ADAM12: variants seen among roughly 807,000 people sequenced by gnomAD.
The protein encoded by ADAM12 is disintegrin and metalloproteinase domain-containing protein 12.
ADAM12 carries 70 observed loss-of-function variants against 106.4 expected under a neutral mutation model. That is an observed-to-expected ratio of 0.66 (90% CI 0.54 to 0.80). The LOEUF (loss-of-function observed/expected upper bound fraction) is 0.80. Ranked by LOEUF, ADAM12 falls within the 30% of genes least tolerant of loss-of-function variation. ADAM12 has a pLI of 0.00. For synonymous variants in ADAM12, 420 were observed against 433.5 expected (o/e 0.97, Z 0.39); for missense variants, 1,010 against 1,171.9 (o/e 0.86, Z 2.02).
At chr10:126,036,084 A>AT in intron 21 of ADAM12, 62 bp downstream of exon 21, 1 of 1,317,628 alleles carries the variant, frequency 7.6e-7, no homozygotes, top group Non-Finnish European at 9.8e-7. Flanking sequence ...AAGCTCACAC[A>AT]TTAACAAGTA....
rs71029289 is a variant in ADAM12, at chr10:126,131,104, CTTTTTTTT to C, written c.416+4472_416+4479del. 8.9e-5 allele frequency among the ~76,000 whole-genome samples: 9 copies of C among 100,918 alleles called. No individual in the cohort carries two copies. In the East Asian group the frequency reaches 1.2e-3, roughly 13 times the overall value. 66.2% of individuals were successfully genotyped at this position (100,918 alleles called of 152,430 possible). Reference sequence around the variant, plus strand: ...AGTGTCCCTGGCTCTCAGCTGTCTTCTTTTTTTTTTTTTTTTTTTTTTTTTTTTTGGCA... The same window carrying C: ...AGTGTCCCTGGCTCTCAGCTGTCTTCTTTTTTTTTTTTTTTTTTTTTGGCA... On this transcript the variant is annotated intron_variant, in intron 5 of 22. Transcript: ENST00000448723.
At chr10:126,363,596 G>A (rs905545884) in intron 1 of ADAM12, among the ~76,000 whole-genome samples, 2 of 152,146 alleles carry the variant, frequency 1.3e-5, no homozygotes, top group Non-Finnish European at 2.9e-5. Context: ...GTCCCAAGCA[G>A]ATGCTTGAAA....
chr10:126,282,148 G>C (rs1362790987), intron 2 of ADAM12, among the ~76,000 whole-genome samples: 1 of 152,172 alleles, frequency 6.6e-6, no homozygotes, highest in African/African-American at 2.4e-5. Flanking sequence ...CCTTGGCTTT[G>C]AGACAGTTGC....
In ADAM12 at chr10:126,071,801, A is replaced by C. The variant is rs1954999086; in HGVS notation, c.1146-147T>G. The C allele has an allele frequency of 5.0e-6, 4 of 806,140 alleles. No homozygotes were observed. The Admixed American group carries it at 8.2e-5, about 16-fold the overall frequency. 49.9% of individuals were successfully genotyped at this position (806,140 alleles called of 1,614,324 possible). Reference sequence around the variant, plus strand: ...ATGAACAATGCATATCAAAAAACTCAGATATGCAGTGTCAAGTGAGGCACA... The same window carrying C: ...ATGAACAATGCATATCAAAAAACTCCGATATGCAGTGTCAAGTGAGGCACA... On this transcript the variant is annotated intron_variant, in intron 11 of 22. Transcript: ENST00000448723.
chr10:126,031,729 G>A (rs1953974422), intron 21 of ADAM12, among the ~76,000 whole-genome samples: 1 of 151,950 alleles, frequency 6.6e-6, no homozygotes, highest in Non-Finnish European at 1.5e-5. Context: ...ATTATATGTT[G>A]CATATAATAC....
At chr10:126,077,336 A>G (rs1487417314) in intron 11 of ADAM12, among the ~76,000 whole-genome samples, 1 of 152,214 alleles carries the variant, frequency 6.6e-6, no homozygotes, top group Non-Finnish European at 1.5e-5. Flanking sequence ...ACCCAAAGCA[A>G]TGTACAGATT....
At chr10:126,322,267 C>T (rs73386749) in intron 2 of ADAM12, among the ~76,000 whole-genome samples, 1 of 152,166 alleles carries the variant, frequency 6.6e-6, no homozygotes. Context: ...ACCTGTGCTG[C>T]TGAACATATT....
In ADAM12 at chr10:126,118,093, G is replaced by T; in HGVS notation, c.548C>A (p.Pro183Gln). The change falls in exon 6 of 23, where the codon CCA (proline) becomes CAA (glutamine). Residue 183 changes from proline (P) to glutamine (Q), a missense_variant. By Grantham distance (76) the Pro-to-Gln change is moderately conservative. This residue lies in a region of ADAM12 where 391 missense variants were observed against 442.9 expected (regional missense o/e 0.88). Coordinates refer to ENST00000448723, the MANE Select transcript of ADAM12 (RefSeq NM_001288973.2). The stretch of plus-strand genomic sequence containing the variant: ...AAACACATTCTTTGCAGCGAGGTTT[G>T]GTGTGTTGTGATGTGATCCACATGA... ...RGSCGSHHNT[P>Q]NLAAKNVFPP... 3 of 1,614,170 alleles carry T rather than the reference G, an allele frequency of 1.9e-6. No homozygotes were observed. The highest frequency in any genetic ancestry group is 2.5e-6 in the Non-Finnish European group (3 of 1,180,024).
intron 21 of ADAM12, among the ~76,000 whole-genome samples, chr10:126,031,982 GA>G (rs1400790355): frequency 6.6e-6 from 1 of 152,192 alleles, no homozygotes; most frequent in Non-Finnish European, 1.5e-5. Flanking sequence ...TACCATGAAG[GA>G]AGTGGTACAT....
At chr10:126,329,585 C>A (rs1564736794) in intron 2 of ADAM12, among the ~76,000 whole-genome samples, 4 of 152,140 alleles carry the variant, frequency 2.6e-5, no homozygotes, top group Admixed American at 6.5e-5. Flanking sequence ...GCCTTTTAAT[C>A]AAACCACCAA....
intron 3 of ADAM12, among the ~76,000 whole-genome samples, chr10:126,243,070 C>A (rs1473082756): frequency 6.6e-6 from 1 of 152,216 alleles, no homozygotes; most frequent in African/African-American, 2.4e-5. Flanking sequence ...TAGACACATT[C>A]ACCCTGTCAG....
At chr10:126,117,982 A>G (rs1956017250) in intron 6 of ADAM12, 56 bp downstream of exon 6, 5 of 1,576,020 alleles carry the variant, frequency 3.2e-6, no homozygotes, top group Non-Finnish European at 4.4e-6. Context: ...AGTGTGGGGT[A>G]TCCGTAGCTT....
chr10:126,129,965 CT>C (rs746881152), intron 5 of ADAM12, among the ~76,000 whole-genome samples: 1 of 152,030 alleles, frequency 6.6e-6, no homozygotes, highest in Non-Finnish European at 1.5e-5. Context: ...GAGTTTTTTT[CT>C]TCCTGCTGAT....
chr10:126,086,770 C>G (rs1955365568), intron 11 of ADAM12, among the ~76,000 whole-genome samples: 1 of 140,336 alleles, frequency 7.1e-6, no homozygotes, highest in African/African-American at 2.7e-5. Flanking sequence ...GTGCGTGGCT[C>G]ACACCTGTAT....
chr10:126,174,703 T>C (rs1204253504), intron 3 of ADAM12, among the ~76,000 whole-genome samples: 1 of 151,928 alleles, frequency 6.6e-6, no homozygotes, highest in African/African-American at 2.4e-5. Flanking sequence ...ACATTTCCAC[T>C]GCTTTTATCT....
rs565506800 is a variant in ADAM12 at position 126,066,582 on chromosome 10, C to T, written c.1413+135G>A. On this transcript the variant is annotated intron_variant, in intron 13 of 22. Transcript: ENST00000448723. The surrounding 1 kb of genome is among the most constrained non-coding windows in gnomAD (Gnocchi z 5.1). ...GTAAGAGGTGGGTAACACCAACTGG[C>T]GTGAGAAGGAGGGATGGTGCGTGCT... is the stretch of plus-strand genomic sequence containing the variant. 25 of 759,146 alleles carry T rather than the reference C, an allele frequency of 3.3e-5. No individual in the cohort carries two copies. Among genetic ancestry groups the T allele is most frequent in the East Asian group, 5.3e-5 (2 of 37,494 alleles). 47.0% of individuals were successfully genotyped at this position (759,146 alleles called of 1,614,324 possible). A position where few individuals can be genotyped will look rare whatever the true frequency, so the allele number is the denominator to read the frequency against.
intron 3 of ADAM12, among the ~76,000 whole-genome samples, chr10:126,171,241 C>T (rs565772347): frequency 6.5e-4 from 99 of 152,238 alleles, no homozygotes; most frequent in Non-Finnish European, 1.2e-3. Flanking sequence ...CATTATGCTT[C>T]GGCTAGGCAG....
chr10:126,036,019 A>C, intron 21 of ADAM12, 127 bp downstream of exon 21: 1 of 799,978 alleles, frequency 1.3e-6, no homozygotes, highest in Non-Finnish European at 1.7e-6. Flanking sequence ...TAACCATCTG[A>C]GTAGCTGAAT....
intron 4 of ADAM12, among the ~76,000 whole-genome samples, chr10:126,138,634 C>A (rs1398166216): frequency 1.3e-5 from 2 of 152,162 alleles, no homozygotes; most frequent in African/African-American, 4.8e-5. Context: ...CCTTGGCCTC[C>A]CAAAGTGCTG....
Sources: allele counts gnomAD v4.1 joint callset (sites outside exome capture counted in the v4.1 genomes callset), GRCh38; gene constraint gnomAD v4.1.1; regional missense constraint gnomAD v4.1.1; non-coding constraint Gnocchi (gnomAD v3.1); transcripts MANE v1.5; gene names NCBI Gene and HGNC (gene_info 2026-07-23, HGNC 2026-07-21).